TRDN: variants seen among roughly 807,000 people sequenced by gnomAD.
The protein encoded by TRDN is triadin in skeletal muscle.
TRDN carries 161 observed loss-of-function variants against 149.7 expected under a neutral mutation model. The observed-to-expected ratio is 1.08, with a 90% CI of 0.95 to 1.23. TRDN has a LOEUF of 1.23. Ranked by LOEUF, TRDN falls within the 50% of genes most tolerant of loss-of-function variation. The pLI is 0.00. For missense variants in TRDN, 896 were observed against 823.5 expected, an observed-to-expected ratio of 1.09 and a Z score of -1.08; for synonymous variants, 294 against 250.5, an observed-to-expected ratio of 1.17 and a Z score of -1.64.
intron 7 of TRDN, among the ~76,000 whole-genome samples, chr6:123,510,837 T>A (rs1779147661): frequency 6.6e-6 from 1 of 152,118 alleles, no homozygotes. Flanking sequence ...AGAGACAGGA[T>A]TTCACCATGT....
rs1774981956 is a variant in TRDN at position 123,216,702 on chromosome 6, T to G, written c.*1899A>C. On this transcript the variant is annotated 3_prime_UTR_variant, in exon 41 of 41. Transcript: ENST00000334268. ...AGACTGTTTGTCCCTATATCCCTATTTTACTCATGGAGAAACAAACATAGT... is the reference window on the plus strand; with the variant it reads ...AGACTGTTTGTCCCTATATCCCTATGTTACTCATGGAGAAACAAACATAGT... 1 of 151,884 alleles carries G rather than the reference T, an allele frequency of 6.6e-6. No homozygotes were observed. Among genetic ancestry groups the G allele is most frequent in the African/African-American group, 2.4e-5 (1 of 41,438 alleles). 9.4% of individuals were successfully genotyped at this position (151,884 alleles called of 1,614,324 possible).
intron 40 of TRDN, among the ~76,000 whole-genome samples, chr6:123,220,041 A>G (rs891256525): frequency 1.3e-5 from 2 of 151,948 alleles, no homozygotes; most frequent in Non-Finnish European, 2.9e-5. Flanking sequence ...AGGCTCATGA[A>G]TATCAGGCTA....
At chr6:123,625,083 C>A (rs77781900) in intron 1 of TRDN, among the ~76,000 whole-genome samples, 4,644 of 141,200 alleles carry the variant, frequency 0.033, 208 homozygotes, top group African/African-American at 0.11. Context: ...TTTTTTTTGT[C>A]ATTTCTGCAT....
intron 12 of TRDN, among the ~76,000 whole-genome samples, chr6:123,401,259 T>A (rs534714662): frequency 6.6e-6 from 1 of 152,308 alleles, no homozygotes; most frequent in African/African-American, 2.4e-5. Context: ...GCAGATTACA[T>A]TGATAAATTA....
intron 20 of TRDN, among the ~76,000 whole-genome samples, chr6:123,363,795 T>G (rs1263616742): frequency 6.6e-6 from 1 of 152,232 alleles, no homozygotes; most frequent in Non-Finnish European, 1.5e-5. Flanking sequence ...CCCCATACTA[T>G]GTGAGCTTAT....
chr6:123,403,332 G>A (rs1773059804), intron 12 of TRDN, among the ~76,000 whole-genome samples: 1 of 152,300 alleles, frequency 6.6e-6, no homozygotes, highest in South Asian at 2.1e-4. Flanking sequence ...CCTACCTTTA[G>A]AGCTGTAAGG....
intron 21 of TRDN, among the ~76,000 whole-genome samples, chr6:123,344,562 G>C (rs1355010274): frequency 6.6e-6 from 1 of 151,812 alleles, no homozygotes; most frequent in Non-Finnish European, 1.5e-5. Context: ...ATTTCACTTA[G>C]AAATATAATT....
chr6:123,546,805 A>G (rs1420091192), intron 4 of TRDN, among the ~76,000 whole-genome samples: 1 of 152,034 alleles, frequency 6.6e-6, no homozygotes, highest in Non-Finnish European at 1.5e-5. Context: ...CAGCACATCC[A>G]GGCACATCCA....
At chr6:123,303,694 T>C (rs1778509317) in intron 24 of TRDN, among the ~76,000 whole-genome samples, 2 of 152,102 alleles carry the variant, frequency 1.3e-5, no homozygotes, top group African/African-American at 4.8e-5. Flanking sequence ...TGTGGGCTTC[T>C]GGTGATGGTT....
At chr6:123,531,202 A>G (rs923837546) in intron 4 of TRDN, among the ~76,000 whole-genome samples, 1 of 152,048 alleles carries the variant, frequency 6.6e-6, no homozygotes, top group Non-Finnish European at 1.5e-5. Context: ...AAGAAAATGG[A>G]GTTAATTCTG....
intron 14 of TRDN, among the ~76,000 whole-genome samples, chr6:123,384,261 G>A (rs1000676481): frequency 6.6e-6 from 1 of 152,036 alleles, no homozygotes. Context: ...ACAGCTTAAG[G>A]TATGAACTTG....
chr6:123,278,953 T>A (rs1777477726), intron 25 of TRDN, 103 bp downstream of exon 25: 6 of 1,093,182 alleles, frequency 5.5e-6, no homozygotes, highest in Admixed American at 5.7e-5. Context: ...AAGCAAAATA[T>A]TCAACATGAA....
At chr6:123,395,563 A>T (rs978810748) in intron 12 of TRDN, among the ~76,000 whole-genome samples, 2 of 152,014 alleles carry the variant, frequency 1.3e-5, no homozygotes, top group Non-Finnish European at 2.9e-5. Context: ...TCTTCTTTCT[A>T]CTAAGACTTA....
At chr6:123,575,189 T>C (rs1782792221) in intron 1 of TRDN, among the ~76,000 whole-genome samples, 1 of 151,914 alleles carries the variant, frequency 6.6e-6, no homozygotes, top group Admixed American at 6.6e-5. Context: ...GTTCTGAGTA[T>C]ACAACCCCAA....
intron 9 of TRDN, chr6:123,469,902 A>G (rs891964445): frequency 2.0e-5 from 3 of 152,232 alleles, no homozygotes; most frequent in Non-Finnish European, 4.4e-5. Flanking sequence ...TCTGTTCCAG[A>G]ACAGTATGAG....
rs780453421 is a variant in TRDN, at chr6:123,464,935, C to T, written c.902G>A (p.Arg301Lys). 2 of 1,597,692 alleles carry T rather than the reference C, an allele frequency of 1.3e-6. No individual in the cohort carries two copies. Among genetic ancestry groups the T allele is most frequent in the Admixed American group, 3.5e-5 (2 of 57,510 alleles). ...AAGGGCAGGTGATGCCGGAGTGGGT[C>T]TGGAAGCTTGTTCTGTCGGTAAGGG... ...PPPLPTEQASRPTPASPALEE... is the reference protein window; with the variant it reads ...PPPLPTEQASKPTPASPALEE... The change falls in exon 10 of 41, where the codon AGA becomes AAA. Residue 301 changes from arginine (R) to lysine (K), a missense_variant. Coordinates refer to ENST00000334268, the MANE Select transcript of TRDN (RefSeq NM_006073.4).
intron 38 of TRDN, among the ~76,000 whole-genome samples, chr6:123,236,823 T>C (rs1193094826): frequency 6.6e-6 from 1 of 152,094 alleles, no homozygotes; most frequent in Non-Finnish European, 1.5e-5. Context: ...AATCCCATAC[T>C]CTTGTGATTA....
chr6:123,506,977 C>G (rs1209599361), intron 7 of TRDN, among the ~76,000 whole-genome samples: 1 of 152,036 alleles, frequency 6.6e-6, no homozygotes, highest in Non-Finnish European at 1.5e-5. Flanking sequence ...TTTTGTATCA[C>G]CATAGTGTCT....
chr6:123,554,406 T>C lies in TRDN; in HGVS notation c.233-5794A>G, dbSNP rs141127797. Among the ~76,000 whole-genome samples, 442 of 152,252 alleles carry C rather than the reference T, an allele frequency of 2.9e-3. 5 individuals carry two copies. The highest frequency in any genetic ancestry group is 0.01 in the African/African-American group (428 of 41,546). On this transcript the variant is annotated intron_variant, in intron 2 of 40. Transcript: ENST00000334268. Reference sequence around the variant, plus strand: ...TTCTAATTTTGGTATGTGAGGAAAGTTATTTCAAAATACATAGAGATAATT... The same window carrying C: ...TTCTAATTTTGGTATGTGAGGAAAGCTATTTCAAAATACATAGAGATAATT...
Sources: allele counts gnomAD v4.1 joint callset (sites outside exome capture counted in the v4.1 genomes callset), GRCh38; gene constraint gnomAD v4.1.1; transcripts MANE v1.5; gene names NCBI Gene and HGNC (gene_info 2026-07-23, HGNC 2026-07-21).